Variants in ZNF827 observed in about 807,000 individuals in gnomAD.
The protein encoded by ZNF827 is zinc finger protein 827.
In ZNF827, 13 loss-of-function variants were observed where a neutral mutation model predicts 102.4. The ratio of observed to expected loss-of-function variants is 0.13; its 90% CI spans 0.08 to 0.20. The LOEUF (loss-of-function observed/expected upper bound fraction) is 0.20, where lower values mean the gene tolerates loss of function less well. ZNF827 is among the 10% of genes least tolerant of loss of function. The probability of loss-of-function intolerance (pLI) is 1.00; values close to 1 mark genes in which losing one functional copy is unlikely to be tolerated. For missense variants in ZNF827, 1,103 were observed against 1,344.4 expected, an observed-to-expected ratio of 0.82 and a Z score of 2.81; for synonymous variants, 523 against 536.2, an observed-to-expected ratio of 0.98 and a Z score of 0.34.
chr4:145,783,918 T>C (rs954626269), intron 8 of ZNF827, among the ~76,000 whole-genome samples: 6 of 152,104 alleles, frequency 3.9e-5, no homozygotes, highest in Non-Finnish European at 8.8e-5. Flanking sequence ...TGGGAGGTGA[T>C]TGGATCATGG....
chr4:145,874,573 C>G (rs896588389), intron 4 of ZNF827, among the ~76,000 whole-genome samples: 1 of 152,096 alleles, frequency 6.6e-6, no homozygotes, highest in African/African-American at 2.4e-5. Flanking sequence ...TACAAAAAAA[C>G]CCACATGTGC....
chr4:145,853,337 C>T lies in ZNF827; in HGVS notation c.1982-3776G>A, dbSNP rs571556744. On this transcript the variant is annotated intron_variant, in intron 5 of 14. Coordinates refer to ENST00000508784, the MANE Select transcript of ZNF827 (RefSeq NM_001306215.2). ...ACATGTCTACACACACAGGATTTTA[C>T]TCTTTCCTGTACACACACAACGTGA... Among the ~76,000 whole-genome samples the T allele has an allele frequency of 2.6e-5, 4 of 152,354 alleles. No individual in the cohort carries two copies. In the South Asian group the frequency reaches 8.3e-4, roughly 32 times the overall value.
intron 3 of ZNF827, among the ~76,000 whole-genome samples, chr4:145,891,695 A>C (rs1459121798): frequency 3.3e-5 from 5 of 152,186 alleles, no homozygotes; most frequent in African/African-American, 1.2e-4. Flanking sequence ...AGGGCCCCCA[A>C]GCCTCCCACA....
chr4:145,771,325 C>G (rs1273674835), intron 11 of ZNF827, among the ~76,000 whole-genome samples: 2 of 152,180 alleles, frequency 1.3e-5, no homozygotes, highest in East Asian at 3.8e-4. Context: ...ACAAATCCTT[C>G]TAGCTCTGGA....
chr4:145,912,767 C>T (rs1752381243), intron 1 of ZNF827, among the ~76,000 whole-genome samples: 1 of 152,220 alleles, frequency 6.6e-6, no homozygotes, highest in African/African-American at 2.4e-5. Flanking sequence ...TTCCCTACCG[C>T]CTTCAGAGCG....
intron 5 of ZNF827, among the ~76,000 whole-genome samples, chr4:145,851,901 C>T (rs1008682296): frequency 6.6e-6 from 1 of 152,208 alleles, no homozygotes; most frequent in African/African-American, 2.4e-5. Context: ...GAGAACTGAT[C>T]TTCCTCCCTC....
intron 8 of ZNF827, among the ~76,000 whole-genome samples, chr4:145,798,454 T>G (rs895976664): frequency 2.0e-5 from 3 of 152,130 alleles, no homozygotes; most frequent in Non-Finnish European, 4.4e-5. Flanking sequence ...TCGCCTGAGA[T>G]CAGGAGTTCA....
At chr4:145,922,780 C>T (rs1434256737) in intron 1 of ZNF827, among the ~76,000 whole-genome samples, 9 of 152,170 alleles carry the variant, frequency 5.9e-5, no homozygotes, top group African/African-American at 2.4e-5. Context: ...ATTCAAGTAT[C>T]GGTATTTGGC....
intron 8 of ZNF827, among the ~76,000 whole-genome samples, chr4:145,797,470 G>A (rs895967285): frequency 6.6e-6 from 1 of 152,156 alleles, no homozygotes; most frequent in Non-Finnish European, 1.5e-5. Flanking sequence ...ACTCACATGA[G>A]TCTTATGCCA....
At chr4:145,894,011 T>C (rs889512659) in intron 2 of ZNF827, among the ~76,000 whole-genome samples, 2 of 152,146 alleles carry the variant, frequency 1.3e-5, no homozygotes, top group African/African-American at 4.8e-5. Flanking sequence ...TAAAAGGACA[T>C]TTCTCAGATA....
rs35423633 is a variant in ZNF827, at chr4:145,921,470, C to CAAAA, written c.43+16891_43+16894dup. ...GGGGAGGGGAGAGGTGAGACTCAGG[C>CAAAA]AAAAAAAAAAAAAAAAAAAAAAAGA... On this transcript the variant is annotated intron_variant, in intron 1 of 14. Coordinates refer to ENST00000508784, the MANE Select transcript of ZNF827 (RefSeq NM_001306215.2). Among the ~76,000 whole-genome samples the CAAAA allele has an allele frequency of 1.3e-4, 7 of 54,114 alleles. 1 individual carries two copies. The highest frequency in any genetic ancestry group is 2.3e-4 in the Non-Finnish European group (7 of 30,252). The allele number at this position is 54,114 out of a possible 152,430, so 35.5% of individuals were successfully genotyped here. A position where few individuals can be genotyped will look rare whatever the true frequency, so the allele number is the denominator to read the frequency against.
At chr4:145,860,562 T>C (rs1329024036) in intron 5 of ZNF827, among the ~76,000 whole-genome samples, 1 of 152,204 alleles carries the variant, frequency 6.6e-6, no homozygotes, top group African/African-American at 2.4e-5. Flanking sequence ...TTCTATAACC[T>C]TCCCTCCTCT....
At chr4:145,764,558 T>G in intron 13 of ZNF827, 1 of 176,738 alleles carries the variant, frequency 5.7e-6, no homozygotes, top group Admixed American at 6.0e-5. Flanking sequence ...TTTTGGAGGG[T>G]GGGGTGGTTG....
intron 1 of ZNF827, among the ~76,000 whole-genome samples, chr4:145,915,113 G>GAGAGCA (rs1200086269): frequency 1.3e-5 from 2 of 152,218 alleles, no homozygotes; most frequent in African/African-American, 4.8e-5. Flanking sequence ...TGTGCTGAGA[G>GAGAGCA]AGAGCAAGAG....
At chr4:145,906,689 C>A (rs1406501141) in intron 1 of ZNF827, among the ~76,000 whole-genome samples, 2 of 152,204 alleles carry the variant, frequency 1.3e-5, no homozygotes, top group Admixed American at 6.5e-5. Flanking sequence ...CAGCTAATGT[C>A]TACATTTAAA....
intron 8 of ZNF827, among the ~76,000 whole-genome samples, chr4:145,813,970 G>C (rs1193449735): frequency 6.6e-6 from 1 of 152,164 alleles, no homozygotes; most frequent in Non-Finnish European, 1.5e-5. Flanking sequence ...GTGAAGAAGA[G>C]GTAATAATGA....
chr4:145,767,748 T>G (rs758885833), intron 11 of ZNF827, among the ~76,000 whole-genome samples: 3 of 152,106 alleles, frequency 2.0e-5, no homozygotes, highest in Non-Finnish European at 4.4e-5. Flanking sequence ...CAACCTAAAA[T>G]CTTATACCCA....
chr4:145,786,281 T>G (rs1235550276), intron 8 of ZNF827, among the ~76,000 whole-genome samples: 3 of 152,194 alleles, frequency 2.0e-5, no homozygotes, highest in Non-Finnish European at 4.4e-5. Context: ...CTGTATTCCC[T>G]GACAAAACAG....
chr4:145,837,785 C>T (rs1189506851), intron 7 of ZNF827, among the ~76,000 whole-genome samples: 1 of 152,134 alleles, frequency 6.6e-6, no homozygotes, highest in Non-Finnish European at 1.5e-5. Flanking sequence ...TTTAGCTTTT[C>T]AATTCATACA....
Sources: gnomAD v4.1 joint callset for allele counts (sites outside exome capture counted in the v4.1 genomes callset) on GRCh38, gnomAD v4.1.1 for gene constraint, MANE v1.5 for transcripts, NCBI Gene and HGNC (gene_info 2026-07-23, HGNC 2026-07-21) for gene names.